EXPH5: variants seen among roughly 807,000 people sequenced by gnomAD.
EXPH5 encodes exophilin 5.
EXPH5 carries 42 observed loss-of-function variants against 41.1 expected under a neutral mutation model. The observed-to-expected ratio is 1.02, with a 90% confidence interval of 0.80 to 1.32. The LOEUF is 1.32. Among genes scored for constraint, EXPH5 ranks in the 40% most tolerant of loss-of-function variants. The probability of loss-of-function intolerance (pLI) is 0.00; values close to 1 mark genes in which losing one functional copy is unlikely to be tolerated. For synonymous variants in EXPH5, 798 were observed against 833.5 expected, an observed-to-expected ratio of 0.96 and a Z score of 0.73; for missense variants, 2,298 against 2,314.5, an observed-to-expected ratio of 0.99 and a Z score of 0.15.
intron 1 of EXPH5, among the ~76,000 whole-genome samples, chr11:108,573,161 AAAG>A (rs1472244118): frequency 6.9e-6 from 1 of 144,148 alleles, no homozygotes; most frequent in Non-Finnish European, 1.5e-5. Context: ...AGAAAGAAAG[AAAG>A]AAAGAAAGAA....
intron 1 of EXPH5, among the ~76,000 whole-genome samples, chr11:108,590,309 T>A (rs2094124413): frequency 6.6e-6 from 1 of 152,344 alleles, no homozygotes; most frequent in Admixed American, 6.5e-5. Context: ...CATTTTCCCA[T>A]CTGTTATGTT....
chr11:108,559,017 C>G (rs2136074553), intron 1 of EXPH5, among the ~76,000 whole-genome samples: 1 of 152,282 alleles, frequency 6.6e-6, no homozygotes, highest in Non-Finnish European at 1.5e-5. Context: ...CCCCCTCACC[C>G]CACCAGCATG....
Position 108,511,863 on chromosome 11 carries a change from G to A in EXPH5, c.3644C>T (p.Ser1215Leu). 1.3e-6 allele frequency: 2 copies of A among 1,586,426 alleles called. No homozygotes were observed. The highest frequency in any genetic ancestry group is 1.7e-6 in the Non-Finnish European group (2 of 1,171,604). The change falls in exon 6 of 6, where the codon TCA becomes TTA. Residue 1215 changes from serine (S) to leucine (L), a missense_variant. Coordinates refer to ENST00000265843, the MANE Select transcript of EXPH5 (RefSeq NM_015065.3). ...CCCACGTTCTTTTCCTGACAAGTCTGAGCAAAAAGGTAAAGGGTCTTCATT... is the reference window on the plus strand; with the variant it reads ...CCCACGTTCTTTTCCTGACAAGTCTAAGCAAAAAGGTAAAGGGTCTTCATT... Reference protein sequence around the residue: ...LSNEDPLPFCSDLSGKERGKT... With the variant: ...LSNEDPLPFCLDLSGKERGKT...
At chr11:108,584,282 C>CT (rs1043605235) in intron 1 of EXPH5, among the ~76,000 whole-genome samples, 4 of 152,040 alleles carry the variant, frequency 2.6e-5, no homozygotes, top group Non-Finnish European at 5.9e-5. Context: ...TTGACACCAG[C>CT]TTGGCCAACA....
intron 3 of EXPH5, among the ~76,000 whole-genome samples, chr11:108,535,486 T>C (rs117656789): frequency 1.7e-3 from 260 of 152,184 alleles, no homozygotes; most frequent in Non-Finnish European, 3.1e-3. Context: ...TAGATTCCCA[T>C]GTCTTCCAAC....
At chr11:108,602,465 A>AT in the EXPH5 span, among the ~76,000 whole-genome samples, 6 of 151,324 alleles carry the variant, frequency 4.0e-5, no homozygotes, top group Non-Finnish European at 7.4e-5. Flanking sequence ...TTATCCACCG[A>AT]TTTTCCAGAA....
In EXPH5 at chr11:108,510,575, A is replaced by C; in HGVS notation, c.4932T>G (p.Pro1644=). The C allele has an allele frequency of 6.2e-7, 1 of 1,614,168 alleles. No homozygotes were observed. The highest frequency in any genetic ancestry group is 8.5e-7 in the Non-Finnish European group (1 of 1,180,016). Residue 1644 remains proline (P), a synonymous_variant, in exon 6 of 6, where the codon CCT becomes CCG. Transcript: ENST00000265843. ...LGTVECNPLF[P]EPTPKSAESI... ...ACTCTGCAGATTTTGGAGTAGGCTC[A>C]GGGAACAGTGGGTTGCACTCCACTG...
chr11:108,517,285 T>G (rs1176773421), intron 5 of EXPH5, among the ~76,000 whole-genome samples: 3 of 152,206 alleles, frequency 2.0e-5, no homozygotes, highest in Non-Finnish European at 4.4e-5. Flanking sequence ...ATTTTTTCAT[T>G]CCATAAACAG....
At chr11:108,597,643 A>C (rs1308003458), upstream of EXPH5, among the ~76,000 whole-genome samples, 4 of 152,342 alleles carry the variant, frequency 2.6e-5, no homozygotes, top group South Asian at 8.3e-4. Flanking sequence ...TATTATAATT[A>C]ATGGTGAGTC....
Position 108,586,086 on chromosome 11 carries a change from G to A in EXPH5, c.119+7332C>T, listed in dbSNP as rs577275169. 1.7e-4 allele frequency among the ~76,000 whole-genome samples: 26 copies of A among 152,198 alleles called. No individual in the cohort carries two copies. The South Asian group carries it at 3.3e-3, about 19-fold the overall frequency. On this transcript the variant is annotated intron_variant, in intron 1 of 5. Transcript: ENST00000265843. ...CCTGAGTAGCTGGGACCACAGACGC[G>A]TGCCACCACGCCTGGCTAATTTTTG...
intron 2 of EXPH5, 77 bp from the exon 3 acceptor site, chr11:108,539,263 T>A: frequency 9.2e-7 from 1 of 1,088,420 alleles, no homozygotes; most frequent in Non-Finnish European, 1.3e-6. Context: ...GCCTTTGCTC[T>A]TGTGTCACTT....
intron 1 of EXPH5, among the ~76,000 whole-genome samples, chr11:108,578,611 A>T (rs2094087539): frequency 1.3e-5 from 2 of 152,296 alleles, no homozygotes; most frequent in Middle Eastern, 3.4e-3. Context: ...GATTCTATAG[A>T]TCACTTTGTG....
At chr11:108,601,567 C>G in the EXPH5 span, among the ~76,000 whole-genome samples, 2 of 152,098 alleles carry the variant, frequency 1.3e-5, no homozygotes, top group Non-Finnish European at 2.9e-5. Context: ...TTTTTCCCTT[C>G]AAGGTGTAAT....
intron 3 of EXPH5, among the ~76,000 whole-genome samples, chr11:108,535,016 G>C (rs2093870249): frequency 1.3e-5 from 2 of 152,116 alleles, no homozygotes; most frequent in Admixed American, 1.3e-4. Flanking sequence ...ACTTAACATA[G>C]GGTCTGATCC....
At chr11:108,568,548 G>T (rs1373239580) in intron 1 of EXPH5, among the ~76,000 whole-genome samples, 1 of 152,080 alleles carries the variant, frequency 6.6e-6, no homozygotes, top group East Asian at 1.9e-4. Flanking sequence ...CCTAAAATTT[G>T]ACCTCAATCG....
chr11:108,584,861 G>A (rs756261105), intron 1 of EXPH5, among the ~76,000 whole-genome samples: 5 of 152,122 alleles, frequency 3.3e-5, no homozygotes, highest in African/African-American at 1.2e-4. Context: ...TTCTTAGAAC[G>A]CTACTAAAAG....
At chr11:108,516,602 A>C (rs957642506) in intron 5 of EXPH5, among the ~76,000 whole-genome samples, 1 of 152,224 alleles carries the variant, frequency 6.6e-6, no homozygotes, top group Non-Finnish European at 1.5e-5. Flanking sequence ...AGCACACATA[A>C]GTGAAATGTA....
chr11:108,600,921 C>A, the EXPH5 span, among the ~76,000 whole-genome samples: 1 of 152,328 alleles, frequency 6.6e-6, no homozygotes, highest in East Asian at 1.9e-4. Flanking sequence ...GATAATGACA[C>A]ATAAGTTTCT....
chr11:108,597,450 A>C (rs1215814001), upstream of EXPH5, among the ~76,000 whole-genome samples: 1 of 152,222 alleles, frequency 6.6e-6, no homozygotes, highest in Non-Finnish European at 1.5e-5. Context: ...AAATATTAAC[A>C]TAGTTTGCTT....
Sources: allele counts gnomAD v4.1 joint callset (sites outside exome capture counted in the v4.1 genomes callset), GRCh38; gene constraint gnomAD v4.1.1; transcripts MANE v1.5; gene names NCBI Gene and HGNC (gene_info 2026-07-23, HGNC 2026-07-21).